FMN1: variants seen among roughly 807,000 people sequenced by gnomAD.
FMN1 encodes formin-1.
FMN1 carries 110 observed loss-of-function variants against 132.4 expected under a neutral mutation model. That is an observed-to-expected ratio of 0.83 (90% CI 0.71 to 0.97). The LOEUF is 0.97. Ranked by LOEUF, FMN1 falls within the 50% of genes least tolerant of loss-of-function variation. FMN1 has a pLI of 0.00. For synonymous variants in FMN1, 722 were observed against 651.7 expected (o/e 1.11, Z -1.64); for missense variants, 1,792 against 1,705.3 (o/e 1.05, Z -0.90).
At chr15:33,008,279 T>C (rs1371242551) in intron 6 of FMN1, among the ~76,000 whole-genome samples, 1 of 152,024 alleles carries the variant, frequency 6.6e-6, no homozygotes, top group African/African-American at 2.4e-5. Flanking sequence ...AACGCTGAAT[T>C]ACGAAAAGAC....
rs539868237 is a variant in FMN1 at position 32,998,680 on chromosome 15, C to A, written c.2223+9334G>T. 3.9e-5 allele frequency among the ~76,000 whole-genome samples: 6 copies of A among 152,034 alleles called. No individual in the cohort carries two copies. The East Asian group carries it at 7.7e-4, about 20-fold the overall frequency. Reference sequence around the variant, plus strand: ...AAACTCACCGGTTCCAGCAGTAGCCCGTCACCTAAAGTCAAAAAACTTTTG... The same window carrying A: ...AAACTCACCGGTTCCAGCAGTAGCCAGTCACCTAAAGTCAAAAAACTTTTG... On this transcript the variant is annotated intron_variant, in intron 7 of 20. Coordinates refer to ENST00000616417, the MANE Select transcript of FMN1 (RefSeq NM_001277313.2).
chr15:32,836,494 C>T (rs981539522), intron 17 of FMN1, among the ~76,000 whole-genome samples: 3 of 152,164 alleles, frequency 2.0e-5, no homozygotes, highest in African/African-American at 7.2e-5. Context: ...GCAACTCTTT[C>T]TCCCCTTACT....
At chr15:33,008,375 A>G (rs1442753561) in intron 6 of FMN1, among the ~76,000 whole-genome samples, 1 of 152,174 alleles carries the variant, frequency 6.6e-6, no homozygotes, top group Non-Finnish European at 1.5e-5. Context: ...AGGAGTTTGT[A>G]TTTAAGGAGT....
intron 6 of FMN1, among the ~76,000 whole-genome samples, chr15:33,058,361 G>A (rs910321765): frequency 5.3e-5 from 8 of 152,106 alleles, no homozygotes; most frequent in African/African-American, 1.9e-4. Flanking sequence ...TGAATGCACT[G>A]GTTTTATTTT....
chr15:32,927,726 G>A (rs966570565), intron 9 of FMN1, among the ~76,000 whole-genome samples: 11 of 151,976 alleles, frequency 7.2e-5, no homozygotes, highest in African/African-American at 2.4e-4. Flanking sequence ...AACATATCAC[G>A]AAGCTGCCAC....
At chr15:33,174,733 A>G (rs1965454381) in intron 3 of FMN1, among the ~76,000 whole-genome samples, 1 of 148,774 alleles carries the variant, frequency 6.7e-6, no homozygotes, top group Non-Finnish European at 1.5e-5. Flanking sequence ...TATATGATGT[A>G]GTTTTCCATG....
rs1567330856 is a variant in FMN1, at chr15:32,888,311, A to G, written c.3715-19T>C. Reference sequence around the variant, plus strand: ...CAGCTTCCTAAGAGATATGGTAAACAAAAGTACATTATACTTCCCAATTGT... The same window carrying G: ...CAGCTTCCTAAGAGATATGGTAAACGAAAGTACATTATACTTCCCAATTGT... On this transcript the variant is annotated intron_variant, in intron 15 of 20. Transcript: ENST00000616417. 1 of 1,592,704 alleles carries G rather than the reference A, an allele frequency of 6.3e-7. No homozygotes were observed. The highest frequency in any genetic ancestry group is 8.5e-7 in the Non-Finnish European group (1 of 1,171,410).
chr15:33,059,536 T>C (rs2037387218), intron 6 of FMN1, among the ~76,000 whole-genome samples: 1 of 152,206 alleles, frequency 6.6e-6, no homozygotes, highest in African/African-American at 2.4e-5. Context: ...CCCATGTATT[T>C]TCCTTGTTGG....
chr15:33,067,061 G>A, intron 5 of FMN1: 2 of 1,613,976 alleles, frequency 1.2e-6, no homozygotes, highest in Non-Finnish European at 1.7e-6. Flanking sequence ...ACTGAAAAAA[G>A]CTGGAAGTTG....
intron 6 of FMN1, among the ~76,000 whole-genome samples, chr15:33,058,203 T>C (rs28437311): frequency 0.53 from 79,924 of 151,746 alleles, 21,335 homozygotes; most frequent in South Asian, 0.58. Context: ...TGGCAATAGA[T>C]GGAGATTTGC....
intron 17 of FMN1, among the ~76,000 whole-genome samples, chr15:32,813,128 A>T (rs1225981246): frequency 6.6e-6 from 1 of 152,200 alleles, no homozygotes; most frequent in Non-Finnish European, 1.5e-5. Flanking sequence ...TCTAGAGATG[A>T]TTTAAAGAAT....
intron 5 of FMN1, among the ~76,000 whole-genome samples, chr15:33,070,606 G>A (rs1000601012): frequency 6.6e-6 from 1 of 152,104 alleles, no homozygotes; most frequent in Non-Finnish European, 1.5e-5. Context: ...TTCATGGGAA[G>A]TGGGTCAAGT....
At chr15:33,122,897 T>A (rs1962700153) in intron 4 of FMN1, among the ~76,000 whole-genome samples, 1 of 152,120 alleles carries the variant, frequency 6.6e-6, no homozygotes, top group East Asian at 1.9e-4. Flanking sequence ...CAAACCAACA[T>A]CTATGCAGCA....
At chr15:33,088,059 GA>G (rs1344054676) in intron 5 of FMN1, among the ~76,000 whole-genome samples, 1 of 152,084 alleles carries the variant, frequency 6.6e-6, no homozygotes, top group Non-Finnish European at 1.5e-5. Context: ...GGACTTGAGG[GA>G]AAGGGTTGGG....
At position 32,910,367 on chromosome 15, in the gene FMN1, C is replaced by T. The variant is rs184823519; in HGVS notation, c.3288+107G>A. 2.3e-5 allele frequency: 20 copies of T among 878,914 alleles called. No homozygotes were observed. The East Asian group carries it at 5.1e-4, about 22-fold the overall frequency. The allele number at this position is 878,914 out of a possible 1,614,324, so 54.4% of individuals were successfully genotyped here. A position where few individuals can be genotyped will look rare whatever the true frequency, so the allele number is the denominator to read the frequency against. ...TTGTGTTTCTATGCCTTAATCTCTT[C>T]CAGGCCACGTCAAAACCCTTACTAC... is the stretch of plus-strand genomic sequence containing the variant. On this transcript the variant is annotated intron_variant, in intron 11 of 20. Coordinates refer to ENST00000616417, the MANE Select transcript of FMN1 (RefSeq NM_001277313.2).
chr15:32,860,036 G>A (rs2059228365), intron 16 of FMN1, among the ~76,000 whole-genome samples: 1 of 149,410 alleles, frequency 6.7e-6, no homozygotes, highest in Non-Finnish European at 1.5e-5. Flanking sequence ...AGACAAGAAA[G>A]GAAAGAAAGA....
chr15:33,128,683 A>C (rs1231418917), intron 4 of FMN1, among the ~76,000 whole-genome samples: 1 of 152,184 alleles, frequency 6.6e-6, no homozygotes, highest in Non-Finnish European at 1.5e-5. Context: ...AGTCTCACTG[A>C]CTTCACGAAT....
chr15:33,004,260 T>C (rs2034284218), intron 7 of FMN1, among the ~76,000 whole-genome samples: 1 of 152,122 alleles, frequency 6.6e-6, no homozygotes, highest in East Asian at 1.9e-4. Flanking sequence ...ACAGGCAACC[T>C]ACAGAATGGG....
chr15:32,782,765 T>G (rs974830346), intron 19 of FMN1, among the ~76,000 whole-genome samples: 1 of 152,208 alleles, frequency 6.6e-6, no homozygotes, highest in African/African-American at 2.4e-5. Flanking sequence ...TGTCCATCAG[T>G]AGATGACTGG....
Sources: gnomAD v4.1 joint callset for allele counts (sites outside exome capture counted in the v4.1 genomes callset) on GRCh38, gnomAD v4.1.1 for gene constraint, MANE v1.5 for transcripts, NCBI Gene and HGNC (gene_info 2026-07-23, HGNC 2026-07-21) for gene names.